RABGAP1: variants seen among roughly 807,000 people sequenced by gnomAD.
RABGAP1 encodes rab GTPase-activating protein 1.
Under a neutral mutation model 137.6 loss-of-function variants are expected in RABGAP1, and 23 were observed. That is an observed-to-expected ratio of 0.17 (90% CI 0.12 to 0.24). RABGAP1 has a LOEUF of 0.24. Ranked by LOEUF, RABGAP1 falls within the 10% of genes least tolerant of loss-of-function variation. The pLI is 1.00. For synonymous variants in RABGAP1, 451 were observed against 450.7 expected (o/e 1.00, Z -0.01); for missense variants, 906 against 1,275.8 (o/e 0.71, Z 4.42).
intron 13 of RABGAP1, among the ~76,000 whole-genome samples, chr9:123,055,043 A>C (rs2033634617): frequency 6.6e-6 from 1 of 152,122 alleles, no homozygotes; most frequent in Non-Finnish European, 1.5e-5. Flanking sequence ...GCCCACACTT[A>C]AGGAGTGGGG....
chr9:123,099,663 A>G, intron 24 of RABGAP1, 114 bp downstream of exon 24: 1 of 850,772 alleles, frequency 1.2e-6, no homozygotes, highest in East Asian at 2.6e-5. Context: ...CTAAGCAATA[A>G]GGCACCTGTC....
chr9:122,938,574 G>A (rs1833427272), upstream of RABGAP1: 1 of 152,138 alleles, frequency 6.6e-6, no homozygotes, highest in South Asian at 2.1e-4. Context: ...TTTTAAAATG[G>A]ATTAGATGAT....
At chr9:122,963,017 A>C (rs1834932537) in intron 2 of RABGAP1, among the ~76,000 whole-genome samples, 1 of 152,250 alleles carries the variant, frequency 6.6e-6, no homozygotes, top group Admixed American at 6.5e-5. Context: ...GAGAAGGATT[A>C]GTCCATCACA....
chr9:123,010,453 C>G lies in RABGAP1; in HGVS notation c.1474C>G (p.Pro492Ala), dbSNP rs765378116. 6.2e-7 allele frequency: 1 copy of G among 1,613,772 alleles called. No individual in the cohort carries two copies. Among genetic ancestry groups the G allele is most frequent in the Non-Finnish European group, 8.5e-7 (1 of 1,179,784 alleles). Residue 492 changes from proline (P) to alanine (A), a missense_variant, in exon 11 of 26, where the codon CCT (proline) becomes GCT (alanine). Coordinates refer to ENST00000373647, the MANE Select transcript of RABGAP1 (RefSeq NM_012197.4). ...AGAGAGGAGGAAAACTACAGCCAGT[C>G]CTTCAGTTCGCCTGCCACAGTCTGG... The part of the protein sequence containing the change: ...ERERRKTTAS[P>A]SVRLPQSGSQ...
chr9:122,973,707 CT>C (rs1013546523), intron 2 of RABGAP1, among the ~76,000 whole-genome samples: 33 of 152,160 alleles, frequency 2.2e-4, no homozygotes, highest in African/African-American at 6.3e-4. Context: ...TCTGATACTG[CT>C]TTTTTAGAAC....
intron 1 of RABGAP1, among the ~76,000 whole-genome samples, chr9:122,943,692 G>T (rs889130200): frequency 6.6e-6 from 1 of 152,098 alleles, no homozygotes; most frequent in Non-Finnish European, 1.5e-5. Flanking sequence ...GGTGGCTCAC[G>T]CCTGTAATCC....
intron 13 of RABGAP1, among the ~76,000 whole-genome samples, chr9:123,048,419 A>G (rs1204608534): frequency 6.6e-6 from 1 of 152,240 alleles, no homozygotes. Flanking sequence ...AACTTGAGCA[A>G]TATGAGACTT....
chr9:123,053,190 C>T (rs557568431), intron 13 of RABGAP1, among the ~76,000 whole-genome samples: 2 of 152,226 alleles, frequency 1.3e-5, no homozygotes, highest in African/African-American at 4.8e-5. Flanking sequence ...ATTAGAAGTG[C>T]TTGAGATGTG....
chr9:122,940,913 G>A (rs1833503995), upstream of RABGAP1: 2 of 152,102 alleles, frequency 1.3e-5, no homozygotes, highest in Admixed American at 1.3e-4. Flanking sequence ...GGGCCAATAG[G>A]GTCGCTCGTC....
chr9:123,103,715 C>T lies in RABGAP1; in HGVS notation c.*502C>T, dbSNP rs1420669347. 1 of 145,794 alleles carries T rather than the reference C, an allele frequency of 6.9e-6. No individual in the cohort carries two copies. The highest frequency in any genetic ancestry group is 1.5e-5 in the Non-Finnish European group (1 of 66,688). 9.0% of individuals were successfully genotyped at this position (145,794 alleles called of 1,614,324 possible). On this transcript the variant is annotated 3_prime_UTR_variant, in exon 26 of 26. Coordinates refer to ENST00000373647, the MANE Select transcript of RABGAP1 (RefSeq NM_012197.4). The stretch of plus-strand genomic sequence containing the variant: ...GCCAGCAGAAGGTCCCCCAGGTAGA[C>T]ATGGAGAAGCACTTTGTTTTAAATA...
rs1415353129 is a variant in RABGAP1 at position 123,059,681 on chromosome 9, T to C, written c.1795-5667T>C. Reference sequence around the variant, plus strand: ...AAGTCCTTATGCATGGGATTTGTGCTCTTATAAAGAAGAGACCTAGAGAGC... The same window carrying C: ...AAGTCCTTATGCATGGGATTTGTGCCCTTATAAAGAAGAGACCTAGAGAGC... On this transcript the variant is annotated intron_variant, in intron 13 of 25. Coordinates refer to ENST00000373647, the MANE Select transcript of RABGAP1 (RefSeq NM_012197.4). 5.3e-5 allele frequency among the ~76,000 whole-genome samples: 8 copies of C among 152,284 alleles called. No individual in the cohort carries two copies. The East Asian group carries it at 1.3e-3, about 26-fold the overall frequency.
chr9:122,953,426 AGAGTCTT>A (rs1020989477), intron 1 of RABGAP1, among the ~76,000 whole-genome samples: 3 of 150,016 alleles, frequency 2.0e-5, no homozygotes, highest in African/African-American at 7.4e-5. Flanking sequence ...TTTTTGAGAC[AGAGTCTT>A]GCTCTGTTGC....
At chr9:123,027,165 G>A (rs867721604) in intron 13 of RABGAP1, among the ~76,000 whole-genome samples, 1 of 145,632 alleles carries the variant, frequency 6.9e-6, no homozygotes, top group African/African-American at 2.6e-5. Context: ...TTGCCAGGCT[G>A]GAGTGCAGTG....
intron 8 of RABGAP1, 44 bp downstream of exon 8, chr9:122,996,649 G>A (rs753731457): frequency 6.8e-7 from 1 of 1,468,700 alleles, no homozygotes; most frequent in South Asian, 1.2e-5. Context: ...TATTTCCTCA[G>A]TAAAGGTTGT....
intron 11 of RABGAP1, among the ~76,000 whole-genome samples, chr9:123,012,691 C>T (rs1036758519): frequency 4.6e-5 from 7 of 152,140 alleles, no homozygotes; most frequent in Non-Finnish European, 1.0e-4. Flanking sequence ...AGAGTGTCTG[C>T]TTTTGCCTCA....
intron 10 of RABGAP1, among the ~76,000 whole-genome samples, chr9:122,999,166 ATTG>A (rs917341890): frequency 6.2e-5 from 9 of 146,272 alleles, no homozygotes; most frequent in South Asian, 2.1e-4. Flanking sequence ...TTTCATTTTT[ATTG>A]TTGTTGTTGT....
At chr9:123,078,157 G>A (rs1031855124) in intron 19 of RABGAP1, among the ~76,000 whole-genome samples, 4 of 151,922 alleles carry the variant, frequency 2.6e-5, no homozygotes, top group African/African-American at 4.8e-5. Context: ...CCTCTGAATG[G>A]CTCCCCTATC....
intron 13 of RABGAP1, among the ~76,000 whole-genome samples, chr9:123,031,867 A>G (rs1262553416): frequency 6.6e-6 from 1 of 152,230 alleles, no homozygotes; most frequent in Admixed American, 6.5e-5. Flanking sequence ...GTAGATGGAA[A>G]AGGGAGCTTA....
At chr9:122,946,701 A>G (rs966702321) in intron 1 of RABGAP1, among the ~76,000 whole-genome samples, 1 of 152,230 alleles carries the variant, frequency 6.6e-6, no homozygotes, top group Non-Finnish European at 1.5e-5. Flanking sequence ...TTGAAATGGC[A>G]TTAAGCCAGC....
Sources: allele counts gnomAD v4.1 joint callset (sites outside exome capture counted in the v4.1 genomes callset), GRCh38; gene constraint gnomAD v4.1.1; transcripts MANE v1.5; gene names NCBI Gene and HGNC (gene_info 2026-07-23, HGNC 2026-07-21).